Variants in MYT1L observed in about 807,000 individuals in gnomAD.
MYT1L encodes myelin transcription factor 1 like.
In MYT1L, 12 loss-of-function variants were observed where a neutral mutation model predicts 126.7. The ratio of observed to expected loss-of-function variants is 0.09; its 90% confidence interval spans 0.06 to 0.15. The LOEUF (loss-of-function observed/expected upper bound fraction) is 0.15, where lower values mean the gene tolerates loss of function less well. MYT1L is among the 10% of genes least tolerant of loss of function. MYT1L has a pLI of 1.00. For synonymous variants in MYT1L, 541 were observed against 604.2 expected, an observed-to-expected ratio of 0.90 and a Z score of 1.53; for missense variants, 979 against 1,585.2, an observed-to-expected ratio of 0.62 and a Z score of 6.49.
chr2:2,201,474 C>T (rs532514430), intron 2 of MYT1L, among the ~76,000 whole-genome samples: 16 of 152,160 alleles, frequency 1.1e-4, no homozygotes, highest in Admixed American at 5.2e-4. Context: ...CCAAGGCAGG[C>T]GGATCACGAG....
intron 22 of MYT1L, among the ~76,000 whole-genome samples, chr2:1,807,549 G>C (rs2035909666): frequency 1.3e-5 from 2 of 152,168 alleles, no homozygotes; most frequent in Admixed American, 1.3e-4. Context: ...CGTGCTTTGT[G>C]GTGCTTGAAG....
chr2:1,829,583 A>AC lies in MYT1L; in HGVS notation c.3080+9565_3080+9566insG, dbSNP rs1329161697. 1.3e-4 allele frequency among the ~76,000 whole-genome samples: 15 copies of AC among 118,726 alleles called. 4 individuals carry two copies. The highest frequency in any genetic ancestry group is 3.3e-4 in the East Asian group (1 of 3,010). 77.9% of individuals were successfully genotyped at this position (118,726 alleles called of 152,430 possible). On this transcript the variant is annotated intron_variant, in intron 21 of 24. Coordinates refer to ENST00000647738, the MANE Select transcript of MYT1L (RefSeq NM_001303052.2). The stretch of plus-strand genomic sequence containing the variant: ...AACTGACCCTCCCATGCACCTGTGA[A>AC]TTGACCCTCCCATGCACCTGTGAAC...
chr2:1,880,118 C>T (rs891509430), intron 18 of MYT1L, among the ~76,000 whole-genome samples: 1 of 152,170 alleles, frequency 6.6e-6, no homozygotes, highest in Admixed American at 6.5e-5. Flanking sequence ...TTCAATCAAG[C>T]CACCATCCTT....
intron 1 of MYT1L, among the ~76,000 whole-genome samples, chr2:2,293,063 T>C (rs1018861552): frequency 1.3e-5 from 2 of 152,138 alleles, no homozygotes; most frequent in Non-Finnish European, 2.9e-5. Flanking sequence ...AGATAGAGGC[T>C]CTGGATCTGG....
chr2:2,080,674 A>G (rs1287832785), intron 3 of MYT1L, among the ~76,000 whole-genome samples: 9 of 152,188 alleles, frequency 5.9e-5, no homozygotes, highest in Admixed American at 5.2e-4. Context: ...AAAAAGGAAA[A>G]GAAAAGAAAA....
chr2:2,176,688 G>A (rs1322173707), intron 2 of MYT1L, among the ~76,000 whole-genome samples: 2 of 151,930 alleles, frequency 1.3e-5, no homozygotes, highest in Admixed American at 6.6e-5. Context: ...TAGTAGAGAC[G>A]GGGTTTCACC....
chr2:1,932,029 T>C (rs1433351769), intron 9 of MYT1L, among the ~76,000 whole-genome samples: 1 of 152,162 alleles, frequency 6.6e-6, no homozygotes, highest in African/African-American at 2.4e-5. Flanking sequence ...AAAAGCCTTC[T>C]TGACGACCGA....
intron 1 of MYT1L, among the ~76,000 whole-genome samples, chr2:2,288,311 G>A (rs1366985594): frequency 6.6e-6 from 1 of 152,154 alleles, no homozygotes; most frequent in Non-Finnish European, 1.5e-5. Context: ...TTCTCAGCAA[G>A]CGCTCTTAAA....
chr2:2,136,945 G>T (rs867187782), intron 3 of MYT1L, among the ~76,000 whole-genome samples: 1 of 152,134 alleles, frequency 6.6e-6, no homozygotes, highest in Non-Finnish European at 1.5e-5. Context: ...AAACCCCATC[G>T]TCTCAGCCCA....
At position 1,846,285 on chromosome 2, in the gene MYT1L, GA is replaced by G. The variant is rs563723754; in HGVS notation, c.2774+5355del. Among the ~76,000 whole-genome samples, 315 of 152,326 alleles carry G rather than the reference GA, an allele frequency of 2.1e-3. 2 individuals are homozygous for G. Among genetic ancestry groups the G allele is most frequent in the African/African-American group, 7.2e-3 (301 of 41,578 alleles). On this transcript the variant is annotated intron_variant, in intron 19 of 24. Transcript: ENST00000647738. ...GTTATCACTGTTCCTTAGCCTCGGG[GA>G]CAGACTACGTACTCAAATAGGTATT...
chr2:1,905,668 T>C (rs1450514449), intron 13 of MYT1L, among the ~76,000 whole-genome samples: 3 of 152,210 alleles, frequency 2.0e-5, no homozygotes, highest in Non-Finnish European at 4.4e-5. Flanking sequence ...ACAGTAATTT[T>C]TGAGTAAGAT....
intron 21 of MYT1L, among the ~76,000 whole-genome samples, chr2:1,831,370 C>T (rs1341331233): frequency 6.6e-6 from 1 of 152,198 alleles, no homozygotes; most frequent in Non-Finnish European, 1.5e-5. Flanking sequence ...ATTTCTTCCT[C>T]CTGGTTTCTC....
intron 21 of MYT1L, among the ~76,000 whole-genome samples, chr2:1,832,466 C>T (rs948787002): frequency 3.9e-5 from 6 of 152,222 alleles, no homozygotes; most frequent in African/African-American, 1.2e-4. Flanking sequence ...CATTGCCACC[C>T]GTGCAGCTGC....
intron 3 of MYT1L, among the ~76,000 whole-genome samples, chr2:2,144,992 T>C (rs1030558290): frequency 2.0e-5 from 3 of 152,240 alleles, no homozygotes; most frequent in African/African-American, 7.2e-5. Context: ...TGTAAAAATA[T>C]CTCTGATCAT....
At chr2:1,952,856 A>ACCTCCTTCTTTCCCTTC (rs2057967211) in intron 8 of MYT1L, among the ~76,000 whole-genome samples, 1 of 26,818 alleles carries the variant, frequency 3.7e-5, no homozygotes, top group Non-Finnish European at 6.3e-5. Flanking sequence ...GCCTTCCCTT[A>ACCTCCTTCTTTCCCTTC]CCTCCTTCTT....
chr2:1,837,211 T>C (rs988304611), intron 21 of MYT1L, among the ~76,000 whole-genome samples: 1 of 152,112 alleles, frequency 6.6e-6, no homozygotes, highest in African/African-American at 2.4e-5. Context: ...GCACCTGGTA[T>C]TTGCTGCTTA....
At chr2:2,159,919 A>G (rs1394139340) in intron 3 of MYT1L, among the ~76,000 whole-genome samples, 1 of 152,098 alleles carries the variant, frequency 6.6e-6, no homozygotes, top group Non-Finnish European at 1.5e-5. Flanking sequence ...TCAAAAGCCC[A>G]AAGTGCTCAG....
intron 19 of MYT1L, among the ~76,000 whole-genome samples, chr2:1,851,088 C>T (rs1402061539): frequency 6.6e-6 from 1 of 152,132 alleles, no homozygotes; most frequent in Non-Finnish European, 1.5e-5. Flanking sequence ...TACTGAATGT[C>T]AAGTGGTATA....
In MYT1L at chr2:2,059,526, G is replaced by A. The variant is rs983244847; in HGVS notation, c.-303-5403C>T. On this transcript the variant is annotated intron_variant, in intron 3 of 24. Coordinates refer to ENST00000647738, the MANE Select transcript of MYT1L (RefSeq NM_001303052.2). The surrounding 1 kb of genome is among the most constrained non-coding windows in gnomAD (Gnocchi z 4.7). ...GCGGCACTTCATCCCCACTGAGGGT[G>A]GACATGCATGCAGTGAGTTCTCCAC... Among the ~76,000 whole-genome samples the A allele has an allele frequency of 6.6e-6, 1 of 152,174 alleles. No individual in the cohort carries two copies. Among genetic ancestry groups the A allele is most frequent in the East Asian group, 1.9e-4 (1 of 5,188 alleles).
Sources: gnomAD v4.1 joint callset for allele counts (sites outside exome capture counted in the v4.1 genomes callset) on GRCh38, gnomAD v4.1.1 for gene constraint, Gnocchi (gnomAD v3.1) non-coding constraint, MANE v1.5 for transcripts, NCBI Gene and HGNC (gene_info 2026-07-23, HGNC 2026-07-21) for gene names.